The following TMEM178B variants were observed in gnomAD, a reference collection of about 807,000 sequenced individuals.
TMEM178B encodes the protein transmembrane protein 178B.
Under a neutral mutation model 31.0 loss-of-function variants are expected in TMEM178B, and 5 were observed. The ratio of observed to expected loss-of-function variants is 0.16; its 90% CI spans 0.08 to 0.34. TMEM178B has a LOEUF of 0.34. Among genes scored for constraint, TMEM178B ranks in the 10% least tolerant of loss-of-function variants. TMEM178B has a pLI of 1.00. For missense variants in TMEM178B, 275 were observed against 400.3 expected (o/e 0.69, Z 2.67); for synonymous variants, 164 against 164.0 (o/e 1.00, Z 0.00).
In TMEM178B at chr7:141,239,638, G is replaced by A. The variant is rs114894676; in HGVS notation, c.496+26934G>A. Among the ~76,000 whole-genome samples the A allele has an allele frequency of 4.7e-3, 721 of 151,886 alleles. 6 individuals are homozygous for A. The highest frequency in any genetic ancestry group is 0.017 in the African/African-American group (699 of 41,410). ...AAGTGGGATCTTGGTGGCATCCCAC[G>A]GCACCCACCACAGGGGGTGATGAGA... On this transcript the variant is annotated intron_variant, in intron 2 of 3. Coordinates refer to ENST00000565468, the MANE Select transcript of TMEM178B (RefSeq NM_001195278.2).
At chr7:141,347,873 AG>A (rs1314630310) in intron 2 of TMEM178B, among the ~76,000 whole-genome samples, 2 of 152,228 alleles carry the variant, frequency 1.3e-5, no homozygotes, top group African/African-American at 4.8e-5. Context: ...ATGCGACCTC[AG>A]GACAAACAAC....
At chr7:141,393,915 T>C (rs1304000395) in intron 2 of TMEM178B, among the ~76,000 whole-genome samples, 2 of 152,242 alleles carry the variant, frequency 1.3e-5, no homozygotes, top group East Asian at 3.9e-4. Context: ...AGAATATTTC[T>C]TTTCTTCTTT....
At chr7:141,298,973 A>G (rs1798680239) in intron 2 of TMEM178B, among the ~76,000 whole-genome samples, 1 of 152,094 alleles carries the variant, frequency 6.6e-6, no homozygotes, top group East Asian at 1.9e-4. Context: ...TGAGTTTGGT[A>G]GGAACATGTG....
intron 2 of TMEM178B, among the ~76,000 whole-genome samples, chr7:141,346,592 G>A (rs891839740): frequency 6.6e-6 from 1 of 151,402 alleles, no homozygotes; most frequent in East Asian, 1.9e-4. Context: ...ATAGGCAATG[G>A]ACATATGTGT....
At chr7:141,438,185 T>G (rs764488444) in intron 3 of TMEM178B, among the ~76,000 whole-genome samples, 19 of 152,134 alleles carry the variant, frequency 1.2e-4, no homozygotes, top group Non-Finnish European at 1.9e-4. Context: ...CACCTCTGAC[T>G]TATGGATCCT....
chr7:141,323,101 C>T (rs7807373), intron 2 of TMEM178B, among the ~76,000 whole-genome samples: 22,022 of 152,142 alleles, frequency 0.14, 2,310 homozygotes, highest in African/African-American at 0.29. Flanking sequence ...TGCTGCTTTT[C>T]ACAGAATGTT....
intron 2 of TMEM178B, among the ~76,000 whole-genome samples, chr7:141,295,418 T>A (rs1471500753): frequency 6.6e-6 from 1 of 151,730 alleles, no homozygotes; most frequent in African/African-American, 2.4e-5. Flanking sequence ...TAATCCACTA[T>A]TTTTTTTTCT....
chr7:141,488,439 T>G, the TMEM178B span, among the ~76,000 whole-genome samples: 1 of 152,108 alleles, frequency 6.6e-6, no homozygotes, highest in Non-Finnish European at 1.5e-5. Context: ...TTTTCTTTTT[T>G]TTTTCTTTTT....
Position 141,428,368 on chromosome 7 carries a change from C to CAAAA in TMEM178B, c.497-9227_497-9224dup, listed in dbSNP as rs1491261666. Among the ~76,000 whole-genome samples the CAAAA allele has an allele frequency of 7.5e-4, 19 of 25,410 alleles. 2 individuals carry two copies. The highest frequency in any genetic ancestry group is 1.7e-3 in the South Asian group (1 of 586). The allele number at this position is 25,410 out of a possible 152,430, so 16.7% of individuals were successfully genotyped here. On this transcript the variant is annotated intron_variant, in intron 2 of 3. Transcript: ENST00000565468. ...GGGCAACAAAAGCGAGACTCCACCT[C>CAAAA]AAAAAAAAAAAAAAAAGAAAAAAAG...
At chr7:141,148,724 T>G (rs1795901004) in intron 1 of TMEM178B, among the ~76,000 whole-genome samples, 1 of 152,256 alleles carries the variant, frequency 6.6e-6, no homozygotes, top group African/African-American at 2.4e-5. Flanking sequence ...GTACAGTCCC[T>G]GCTCATATCC....
intron 1 of TMEM178B, among the ~76,000 whole-genome samples, chr7:141,136,724 G>A (rs567395005): frequency 3.9e-5 from 6 of 152,142 alleles, no homozygotes; most frequent in African/African-American, 7.2e-5. Flanking sequence ...GTGGGCAATC[G>A]GCACAGTGGC....
chr7:141,119,315 C>G (rs970027770), intron 1 of TMEM178B, among the ~76,000 whole-genome samples: 1 of 152,104 alleles, frequency 6.6e-6, no homozygotes, highest in African/African-American at 2.4e-5. Context: ...CTGGTCTGTC[C>G]CACTTGGTCC....
chr7:141,385,838 A>C (rs1800421320), intron 2 of TMEM178B, among the ~76,000 whole-genome samples: 1 of 152,220 alleles, frequency 6.6e-6, no homozygotes. Flanking sequence ...ATTCCCTGAC[A>C]ACACAGAAGA....
intron 2 of TMEM178B, among the ~76,000 whole-genome samples, chr7:141,213,650 T>C (rs537835823): frequency 2.6e-5 from 4 of 152,326 alleles, no homozygotes; most frequent in African/African-American, 9.6e-5. Flanking sequence ...ATGGAAAACA[T>C]CTCTCTTCTC....
chr7:141,228,067 C>T (rs1797375338), intron 2 of TMEM178B, among the ~76,000 whole-genome samples: 1 of 152,180 alleles, frequency 6.6e-6, no homozygotes, highest in African/African-American at 2.4e-5. Context: ...CATGCACACA[C>T]ATATCACATT....
intron 2 of TMEM178B, among the ~76,000 whole-genome samples, chr7:141,243,461 T>A (rs568254870): frequency 6.6e-6 from 1 of 152,244 alleles, no homozygotes; most frequent in South Asian, 2.1e-4. Context: ...GGATGTGAGA[T>A]GCTGATGAAG....
rs10808015 is a variant in TMEM178B at position 141,471,560 on chromosome 7, G to A, written c.*774G>A. ...TGGAGCCTTGGAGTCATGCTGTGAT[G>A]TGTGTGTGTGGGTGTGCGTGCATGT... is the stretch of plus-strand genomic sequence containing the variant. On this transcript the variant is annotated 3_prime_UTR_variant, in exon 4 of 4. Coordinates refer to ENST00000565468, the MANE Select transcript of TMEM178B (RefSeq NM_001195278.2). This position sits in a 1 kb window ranked among gnomAD's most constrained non-coding sequence, Gnocchi z 4.1. The A allele has an allele frequency of 0.66, 100,908 of 152,242 alleles. 37,397 individuals carry two copies. The highest frequency in any genetic ancestry group is 0.85 in the Non-Finnish European group (57,597 of 68,046). 9.4% of individuals were successfully genotyped at this position (152,242 alleles called of 1,614,324 possible). A position where few individuals can be genotyped will look rare whatever the true frequency, so the allele number is the denominator to read the frequency against.
chr7:141,128,020 C>T lies in TMEM178B; in HGVS notation c.382+53328C>T, dbSNP rs188915002. 1.2e-4 allele frequency among the ~76,000 whole-genome samples: 18 copies of T among 152,238 alleles called. No individual in the cohort carries two copies. The East Asian group carries it at 1.9e-3, about 16-fold the overall frequency. On this transcript the variant is annotated intron_variant, in intron 1 of 3. Coordinates refer to ENST00000565468, the MANE Select transcript of TMEM178B (RefSeq NM_001195278.2). ...CCTTTTCCTAAAGGCTGTGTGAATT[C>T]CAGTTCGCTGGCTATTTATTCCTGT...
At chr7:141,423,443 C>G (rs569475650) in intron 2 of TMEM178B, among the ~76,000 whole-genome samples, 1 of 152,326 alleles carries the variant, frequency 6.6e-6, no homozygotes, top group East Asian at 1.9e-4. Context: ...TCTTTGACAT[C>G]TGGTACGTAT....
Sources: allele counts gnomAD v4.1 joint callset (sites outside exome capture counted in the v4.1 genomes callset), GRCh38; gene constraint gnomAD v4.1.1; non-coding constraint Gnocchi (gnomAD v3.1); transcripts MANE v1.5; gene names NCBI Gene and HGNC (gene_info 2026-07-23, HGNC 2026-07-21).